HLCS: variants seen among roughly 807,000 people sequenced by gnomAD.
HLCS encodes the protein holocarboxylase synthetase, also known as biotin--protein ligase.
Under a neutral mutation model 75.0 loss-of-function variants are expected in HLCS, and 53 were observed. That is an observed-to-expected ratio of 0.71 (90% CI 0.57 to 0.89). The LOEUF (loss-of-function observed/expected upper bound fraction) is 0.89. Among genes scored for constraint, HLCS ranks in the 40% least tolerant of loss-of-function variants. HLCS has a pLI of 0.00. For missense variants in HLCS, 966 were observed against 1,074.0 expected (o/e 0.90, Z 1.41); for synonymous variants, 431 against 428.6 (o/e 1.01, Z -0.07).
chr21:36,826,109 A>G (rs569083185), intron 6 of HLCS, among the ~76,000 whole-genome samples: 58 of 152,334 alleles, frequency 3.8e-4, no homozygotes, highest in Non-Finnish European at 7.5e-4. Context: ...TAAGAGTAAC[A>G]AAGATGGGAA....
chr21:36,854,997 G>C (rs2835502), intron 6 of HLCS, among the ~76,000 whole-genome samples: 76,595 of 151,500 alleles, frequency 0.51, 20,593 homozygotes, highest in African/African-American at 0.69. Context: ...AATCTGTTTC[G>C]CACTCTGAGA....
chr21:36,878,359 G>C (rs1304931366), intron 6 of HLCS, among the ~76,000 whole-genome samples: 1 of 151,962 alleles, frequency 6.6e-6, no homozygotes, highest in East Asian at 1.9e-4. Context: ...ATCATTGAAG[G>C]GTCATTGTGA....
intron 1 of HLCS, among the ~76,000 whole-genome samples, chr21:36,981,596 C>T (rs1336745244): frequency 2.6e-5 from 4 of 151,974 alleles, no homozygotes; most frequent in Non-Finnish European, 5.9e-5. Context: ...GACAGTGTTT[C>T]ACCATGTTGG....
chr21:36,800,158 C>T (rs2061154357), intron 6 of HLCS, among the ~76,000 whole-genome samples: 1 of 152,138 alleles, frequency 6.6e-6, no homozygotes, highest in Admixed American at 6.5e-5. Flanking sequence ...CAGCTTGACC[C>T]CACCACTCCA....
chr21:36,918,040 T>C (rs148468635), intron 5 of HLCS, among the ~76,000 whole-genome samples: 102 of 152,106 alleles, frequency 6.7e-4, no homozygotes, highest in African/African-American at 2.3e-3. Flanking sequence ...ACAAGGCAGA[T>C]AATACATACT....
intron 6 of HLCS, among the ~76,000 whole-genome samples, chr21:36,786,700 T>C (rs1241304243): frequency 6.6e-6 from 1 of 152,218 alleles, no homozygotes; most frequent in Non-Finnish European, 1.5e-5. Context: ...TCTTGAACCA[T>C]CTGAAATGAC....
At chr21:36,945,525 C>T (rs902036112) in intron 2 of HLCS, among the ~76,000 whole-genome samples, 9 of 152,226 alleles carry the variant, frequency 5.9e-5, no homozygotes, top group East Asian at 3.9e-4. Context: ...GGACGAATCT[C>T]GAATACATTA....
At chr21:36,775,229 C>T (rs1364316625) in intron 6 of HLCS, among the ~76,000 whole-genome samples, 8 of 152,208 alleles carry the variant, frequency 5.3e-5, no homozygotes, top group Admixed American at 3.3e-4. Flanking sequence ...AGCATAAGAG[C>T]GTCCACATTG....
intron 1 of HLCS, among the ~76,000 whole-genome samples, chr21:36,987,411 G>A (rs533725989): frequency 6.6e-6 from 1 of 152,272 alleles, no homozygotes; most frequent in East Asian, 1.9e-4. Context: ...CCAGGAGTTC[G>A]AGACCAGCAT....
intron 5 of HLCS, among the ~76,000 whole-genome samples, chr21:36,906,425 T>C (rs2146375934): frequency 6.6e-6 from 1 of 152,260 alleles, no homozygotes; most frequent in East Asian, 1.9e-4. Flanking sequence ...TCCCAGCTAG[T>C]CAGGAGGCTG....
chr21:36,969,413 C>T (rs1426989331), upstream of HLCS, among the ~76,000 whole-genome samples: 1 of 152,144 alleles, frequency 6.6e-6, no homozygotes, highest in Non-Finnish European at 1.5e-5. Flanking sequence ...CCCCACCCAA[C>T]CCCAAATCAG....
intron 4 of HLCS, among the ~76,000 whole-genome samples, chr21:36,933,696 C>T (rs977519912): frequency 3.9e-5 from 6 of 152,072 alleles, no homozygotes; most frequent in Admixed American, 2.6e-4. Flanking sequence ...CTTGAGCACA[C>T]GGCTATCCCG....
rs150976908 is a variant in HLCS at position 36,884,993 on chromosome 21, C to T, written c.1892+11867G>A. On this transcript the variant is annotated intron_variant, in intron 6 of 10. Coordinates refer to ENST00000674895, the MANE Select transcript of HLCS (RefSeq NM_001352514.2). The stretch of plus-strand genomic sequence containing the variant: ...TGTGAATTACCTGTGAAAATGATAA[C>T]TAAAGGGTTAAGATTTCAAAAAAAG... 4.3e-3 allele frequency among the ~76,000 whole-genome samples: 648 copies of T among 152,084 alleles called. 8 individuals carry two copies. The highest frequency in any genetic ancestry group is 0.015 in the African/African-American group (606 of 41,486).
intron 6 of HLCS, among the ~76,000 whole-genome samples, chr21:36,868,211 A>AAGGGAAAAGGGAAGGGAG (rs2063629301): frequency 6.8e-6 from 1 of 146,060 alleles, no homozygotes; most frequent in Non-Finnish European, 1.5e-5. Flanking sequence ...AGGGAAGGGA[A>AAGGGAAAAGGGAAGGGAG]GGGAAAAAAG....
chr21:36,771,422 G>A (rs2060204450), intron 6 of HLCS, among the ~76,000 whole-genome samples: 1 of 152,158 alleles, frequency 6.6e-6, no homozygotes, highest in South Asian at 2.1e-4. Flanking sequence ...CCCGGGGACT[G>A]TATTTCTACA....
intron 6 of HLCS, among the ~76,000 whole-genome samples, chr21:36,818,099 T>C (rs1045084150): frequency 1.3e-5 from 2 of 152,188 alleles, no homozygotes; most frequent in Non-Finnish European, 2.9e-5. Context: ...CCTAGGATCA[T>C]ACAAAACATC....
intron 2 of HLCS, among the ~76,000 whole-genome samples, chr21:36,952,650 T>C (rs1247832200): frequency 1.3e-5 from 2 of 151,816 alleles, no homozygotes; most frequent in East Asian, 3.9e-4. Flanking sequence ...AATTAGCTGG[T>C]TGTGGTGGTG....
At chr21:36,977,698 T>C (rs1020680548) in intron 1 of HLCS, among the ~76,000 whole-genome samples, 3 of 152,244 alleles carry the variant, frequency 2.0e-5, no homozygotes, top group African/African-American at 7.2e-5. Context: ...GTTCAGATAC[T>C]GCCTCTGACC....
At chr21:36,843,698 T>C (rs963130455) in intron 6 of HLCS, among the ~76,000 whole-genome samples, 3 of 152,152 alleles carry the variant, frequency 2.0e-5, no homozygotes, top group Non-Finnish European at 4.4e-5. Context: ...ATTCTGTACA[T>C]TCACTTCTAA....
Sources: allele counts gnomAD v4.1 joint callset (sites outside exome capture counted in the v4.1 genomes callset), GRCh38; gene constraint gnomAD v4.1.1; transcripts MANE v1.5; gene names NCBI Gene and HGNC (gene_info 2026-07-23, HGNC 2026-07-21).